Variants in DKK2 observed in about 807,000 individuals in gnomAD.
DKK2 encodes the protein dickkopf Wnt signaling pathway inhibitor 2.
DKK2 carries 11 observed loss-of-function variants against 28.1 expected under a neutral mutation model. That is an observed-to-expected ratio of 0.39 (90% CI 0.25 to 0.65). DKK2 has a LOEUF of 0.65. DKK2 is among the 30% of genes least tolerant of loss of function. The pLI is 0.47. For missense variants in DKK2, 326 were observed against 335.5 expected (o/e 0.97, Z 0.22); for synonymous variants, 135 against 126.5 (o/e 1.07, Z -0.45).
intron 1 of DKK2, among the ~76,000 whole-genome samples, chr4:106,960,432 G>A (rs916345590): frequency 6.6e-6 from 1 of 151,864 alleles, no homozygotes; most frequent in Non-Finnish European, 1.5e-5. Context: ...AGGGGAGCTG[G>A]AAAGTGACTA....
At chr4:107,006,791 G>C (rs1723443831) in intron 1 of DKK2, among the ~76,000 whole-genome samples, 1 of 152,158 alleles carries the variant, frequency 6.6e-6, no homozygotes. Flanking sequence ...ATGTATAACT[G>C]TTAAATAAAA....
rs371176102 is a variant in DKK2 at position 106,924,217 on chromosome 4, T to A, written c.530-13A>T. ...TCTCCTTCATGCCCTGCAGAGATGA[T>A]GACCAATAGATGTTACCCTGACACT... On this transcript the variant is annotated splice_polypyrimidine_tract_variant and intron_variant, in intron 3 of 3. Transcript: ENST00000285311. The A allele has an allele frequency of 3.1e-6, 5 of 1,613,648 alleles. No individual in the cohort carries two copies. Among genetic ancestry groups the A allele is most frequent in the Non-Finnish European group, 3.4e-6 (4 of 1,179,786 alleles).
At chr4:107,027,832 A>G (rs1431107285) in intron 1 of DKK2, among the ~76,000 whole-genome samples, 1 of 149,354 alleles carries the variant, frequency 6.7e-6, no homozygotes, top group African/African-American at 2.5e-5. Context: ...GCTCACTGCA[A>G]GCTTCGCCTC....
intron 1 of DKK2, among the ~76,000 whole-genome samples, chr4:106,974,773 A>G (rs1464034316): frequency 6.6e-6 from 1 of 152,080 alleles, no homozygotes; most frequent in Non-Finnish European, 1.5e-5. Context: ...AACTTTCAAT[A>G]CTATGTTGAC....
chr4:106,961,565 G>GCGCACACACACACACACACACA (rs1376025998), intron 1 of DKK2, among the ~76,000 whole-genome samples: 4 of 136,300 alleles, frequency 2.9e-5, no homozygotes, highest in African/African-American at 1.1e-4. Context: ...CCAACAGCCT[G>GCGCACACACACACACACACACA]CACACACACA....
chr4:107,000,002 T>G (rs975576995), intron 1 of DKK2, among the ~76,000 whole-genome samples: 4 of 152,136 alleles, frequency 2.6e-5, no homozygotes, highest in Non-Finnish European at 5.9e-5. Context: ...TATAGAAAGA[T>G]GTGATAAGAG....
At position 107,020,107 on chromosome 4, in the gene DKK2, G is replaced by C. The variant is rs539133809; in HGVS notation, c.222+15263C>G. Among the ~76,000 whole-genome samples, 13 of 151,910 alleles carry C rather than the reference G, an allele frequency of 8.6e-5. No homozygotes were observed. In the South Asian group the frequency reaches 2.7e-3, roughly 32 times the overall value. On this transcript the variant is annotated intron_variant, in intron 1 of 3. Coordinates refer to ENST00000285311, the MANE Select transcript of DKK2 (RefSeq NM_014421.3). ...TAGGTCTTAATTTTGTAAGGTTCAG[G>C]CCATCAAATATAATTTCTTTTTTTG...
At chr4:107,025,832 A>G (rs1231673026) in intron 1 of DKK2, among the ~76,000 whole-genome samples, 1 of 152,232 alleles carries the variant, frequency 6.6e-6, no homozygotes, top group Non-Finnish European at 1.5e-5. Context: ...TTAGAGCTGA[A>G]AAACTGTCTA....
rs1352848504 is a variant in DKK2, at chr4:107,036,040, C to G, written c.-449G>C. On this transcript the variant is annotated 5_prime_UTR_variant, in exon 1 of 4. Coordinates refer to ENST00000285311, the MANE Select transcript of DKK2 (RefSeq NM_014421.3). The stretch of plus-strand genomic sequence containing the variant: ...TCCTTCAACTCAGTTGCTTTTCTCT[C>G]CTCTCTTTTCCTATCCTTTATGTGT... 4 of 185,776 alleles carry G rather than the reference C, an allele frequency of 2.2e-5. No homozygotes were observed. Among genetic ancestry groups the G allele is most frequent in the Admixed American group, 5.5e-5 (1 of 18,132 alleles). The allele number at this position is 185,776 out of a possible 1,614,324, so 11.5% of individuals were successfully genotyped here. A position where few individuals can be genotyped will look rare whatever the true frequency, so the allele number is the denominator to read the frequency against.
chr4:106,988,291 T>A (rs1458830237), intron 1 of DKK2, among the ~76,000 whole-genome samples: 2 of 152,200 alleles, frequency 1.3e-5, no homozygotes, highest in African/African-American at 4.8e-5. Flanking sequence ...GCTCTGTTTT[T>A]AAACTCAAAG....
At chr4:107,016,632 A>G (rs1283255645) in intron 1 of DKK2, among the ~76,000 whole-genome samples, 1 of 151,912 alleles carries the variant, frequency 6.6e-6, no homozygotes, top group Admixed American at 6.6e-5. Context: ...GTAAGGTACT[A>G]TCATACTTTT....
rs181140631 is a variant in DKK2, at chr4:106,990,444, T to C, written c.222+44926A>G. Among the ~76,000 whole-genome samples the C allele has an allele frequency of 1.5e-3, 235 of 152,264 alleles. 3 individuals carry two copies. The highest frequency in any genetic ancestry group is 5.6e-3 in the African/African-American group (231 of 41,548). On this transcript the variant is annotated intron_variant, in intron 1 of 3. Transcript: ENST00000285311. Reference sequence around the variant, plus strand: ...AGAGCCCCCTTTGAATTCCTTGGATTGAGATACACAACCAACCTAGAAGAC... The same window carrying C: ...AGAGCCCCCTTTGAATTCCTTGGATCGAGATACACAACCAACCTAGAAGAC...
Position 106,998,671 on chromosome 4 carries a change from T to C in DKK2, c.222+36699A>G, listed in dbSNP as rs529663032. On this transcript the variant is annotated intron_variant, in intron 1 of 3. Transcript: ENST00000285311. ...ACCTAATAAATTTGTTGTCAGATTT[T>C]CTCACAATAAGTCTTATATGAATAG... Among the ~76,000 whole-genome samples, 18 of 152,324 alleles carry C rather than the reference T, an allele frequency of 1.2e-4. 1 individual carries two copies. The Middle Eastern group carries it at 0.01, about 86-fold the overall frequency.
chr4:106,988,431 C>T (rs1448938212), intron 1 of DKK2, among the ~76,000 whole-genome samples: 1 of 152,134 alleles, frequency 6.6e-6, no homozygotes, highest in Non-Finnish European at 1.5e-5. Context: ...TGCTTTGTTA[C>T]ATTTAATCAG....
At chr4:106,960,459 C>T (rs1380055677) in intron 1 of DKK2, among the ~76,000 whole-genome samples, 1 of 151,990 alleles carries the variant, frequency 6.6e-6, no homozygotes, top group Non-Finnish European at 1.5e-5. Context: ...GAAAAACTAA[C>T]TTTTGGGAAC....
chr4:107,012,561 G>A (rs1442042609), intron 1 of DKK2, among the ~76,000 whole-genome samples: 3 of 151,132 alleles, frequency 2.0e-5, no homozygotes, highest in South Asian at 2.1e-4. Flanking sequence ...TTTCAAAGAC[G>A]GTGAGTAACA....
chr4:106,966,370 A>G (rs1722781189), intron 1 of DKK2, among the ~76,000 whole-genome samples: 1 of 152,174 alleles, frequency 6.6e-6, no homozygotes, highest in African/African-American at 2.4e-5. Flanking sequence ...CAAGTGTGTA[A>G]TTCATTGATT....
At chr4:107,001,956 G>A (rs940301904) in intron 1 of DKK2, among the ~76,000 whole-genome samples, 3 of 152,122 alleles carry the variant, frequency 2.0e-5, no homozygotes, top group African/African-American at 7.2e-5. Context: ...CACCACTACA[G>A]ACCTCAACCC....
At chr4:107,016,132 G>C (rs1365806009) in intron 1 of DKK2, among the ~76,000 whole-genome samples, 1 of 151,856 alleles carries the variant, frequency 6.6e-6, no homozygotes, top group Admixed American at 6.6e-5. Flanking sequence ...AGTCTGGGGG[G>C]CTAAGTCGCC....
Sources: gnomAD v4.1 joint callset for allele counts (sites outside exome capture counted in the v4.1 genomes callset) on GRCh38, gnomAD v4.1.1 for gene constraint, MANE v1.5 for transcripts, NCBI Gene and HGNC (gene_info 2026-07-23, HGNC 2026-07-21) for gene names.